RERE: variants seen among roughly 807,000 people sequenced by gnomAD.
RERE encodes arginine-glutamic acid dipeptide repeats protein.
Under a neutral mutation model 146.1 loss-of-function variants are expected in RERE, and 40 were observed. The observed-to-expected ratio is 0.27, with a 90% CI of 0.21 to 0.36. RERE has a LOEUF of 0.36. RERE is among the 10% of genes least tolerant of loss of function. The pLI, the probability that RERE is intolerant of heterozygous loss-of-function variation, is 1.00. For synonymous variants in RERE, 1,003 were observed against 866.0 expected, an observed-to-expected ratio of 1.16 and a Z score of -2.78; for missense variants, 1,933 against 2,138.7, an observed-to-expected ratio of 0.90 and a Z score of 1.90.
intron 7 of RERE, among the ~76,000 whole-genome samples, chr1:8,536,470 T>C (rs1035000534): frequency 1.2e-4 from 18 of 152,274 alleles, no homozygotes; most frequent in Admixed American, 7.8e-4. Context: ...GTCCCTATGG[T>C]CATCTCTTTT....
intron 7 of RERE, among the ~76,000 whole-genome samples, chr1:8,537,819 C>A (rs1339781015): frequency 6.6e-6 from 1 of 151,928 alleles, no homozygotes; most frequent in African/African-American, 2.4e-5. Flanking sequence ...AAAATCAGAT[C>A]CCTGACAAGA....
intron 12 of RERE, among the ~76,000 whole-genome samples, chr1:8,405,268 A>C (rs1490321285): frequency 6.6e-6 from 1 of 152,220 alleles, no homozygotes; most frequent in African/African-American, 2.4e-5. Context: ...TCTAGGAATG[A>C]ATCTTAAGGA....
At chr1:8,369,602 G>A (rs1641954037) in intron 12 of RERE, among the ~76,000 whole-genome samples, 1 of 147,696 alleles carries the variant, frequency 6.8e-6, no homozygotes, top group African/African-American at 2.5e-5. Flanking sequence ...CAGGTGGTAA[G>A]AACGGTAAAC....
At chr1:8,606,389 A>AT (rs1409582398) in intron 4 of RERE, among the ~76,000 whole-genome samples, 1 of 152,202 alleles carries the variant, frequency 6.6e-6, no homozygotes, top group Non-Finnish European at 1.5e-5. Flanking sequence ...GAGGAAAGCT[A>AT]TAACTAAAAT....
intron 7 of RERE, among the ~76,000 whole-genome samples, chr1:8,520,785 A>C (rs1463226045): frequency 6.8e-6 from 1 of 147,294 alleles, no homozygotes; most frequent in South Asian, 2.2e-4. Flanking sequence ...AACCACTATG[A>C]CCGAAACCCA....
At chr1:8,363,791 G>A (rs1176413425) in intron 15 of RERE, 3 of 517,358 alleles carry the variant, frequency 5.8e-6, no homozygotes, top group African/African-American at 5.7e-5. Context: ...GAGCAAGAGG[G>A]GCCTTGGAGA....
At chr1:8,391,942 G>A (rs1362593966) in intron 12 of RERE, among the ~76,000 whole-genome samples, 55 of 152,166 alleles carry the variant, frequency 3.6e-4, no homozygotes, top group Non-Finnish European at 2.8e-4. Context: ...CATGAGAATC[G>A]TTTGAACTTG....
At chr1:8,439,240 AAATC>A (rs1644213862) in intron 11 of RERE, among the ~76,000 whole-genome samples, 1 of 152,264 alleles carries the variant, frequency 6.6e-6, no homozygotes, top group Non-Finnish European at 1.5e-5. Flanking sequence ...TGTAAAATCA[AAATC>A]AAAAGGCCAC....
At chr1:8,692,960 C>A (rs1262261883) in intron 1 of RERE, among the ~76,000 whole-genome samples, 1 of 152,224 alleles carries the variant, frequency 6.6e-6, no homozygotes, top group Admixed American at 6.5e-5. Flanking sequence ...TTATGGTCCT[C>A]GTTTCTCCTG....
intron 8 of RERE, among the ~76,000 whole-genome samples, chr1:8,505,255 G>A (rs1018466246): frequency 6.6e-6 from 1 of 152,174 alleles, no homozygotes; most frequent in Non-Finnish European, 1.5e-5. Context: ...GACAATTAGG[G>A]AAATCTGGGC....
intron 12 of RERE, among the ~76,000 whole-genome samples, chr1:8,408,601 A>T (rs994794470): frequency 6.6e-6 from 1 of 152,130 alleles, no homozygotes; most frequent in Non-Finnish European, 1.5e-5. Context: ...CCACAGAGAA[A>T]GGAGGGCAGA....
intron 7 of RERE, among the ~76,000 whole-genome samples, chr1:8,539,608 G>C (rs1173619395): frequency 6.6e-6 from 1 of 152,078 alleles, no homozygotes; most frequent in East Asian, 1.9e-4. Context: ...GTTTCACCAC[G>C]TTGGCCAGGC....
intron 11 of RERE, among the ~76,000 whole-genome samples, chr1:8,441,342 AG>A (rs1644245265): frequency 6.6e-6 from 1 of 152,184 alleles, no homozygotes; most frequent in Non-Finnish European, 1.5e-5. Flanking sequence ...CGCTCCTGTG[AG>A]GGGATGCAGC....
chr1:8,677,418 T>C (rs1284606056), intron 1 of RERE, among the ~76,000 whole-genome samples: 5 of 99,276 alleles, frequency 5.0e-5, no homozygotes, highest in Admixed American at 1.4e-4. Flanking sequence ...AGAGTGAGTC[T>C]CCGTCTCAAA....
chr1:8,487,285 T>A (rs771919428), intron 10 of RERE, among the ~76,000 whole-genome samples: 3 of 151,972 alleles, frequency 2.0e-5, no homozygotes, highest in Admixed American at 6.6e-5. Context: ...CTAACTTGAT[T>A]AAAAAAACAA....
At chr1:8,496,499 C>CA (rs1645047752) in intron 9 of RERE, among the ~76,000 whole-genome samples, 1 of 144,374 alleles carries the variant, frequency 6.9e-6, no homozygotes, top group Non-Finnish European at 1.6e-5. Context: ...CAAGTAACAA[C>CA]CAAAAAAAAA....
chr1:8,446,767 G>A (rs994229328), intron 11 of RERE, among the ~76,000 whole-genome samples: 2 of 151,940 alleles, frequency 1.3e-5, no homozygotes, highest in Non-Finnish European at 2.9e-5. Context: ...CTCCGCCTCC[G>A]GGTTCACGCC....
At chr1:8,649,577 A>G (rs1383145812) in intron 2 of RERE, among the ~76,000 whole-genome samples, 5 of 151,976 alleles carry the variant, frequency 3.3e-5, no homozygotes, top group African/African-American at 1.2e-4. Flanking sequence ...TAAAAACACA[A>G]AAATTAGCCG....
At chr1:8,653,891 C>T (rs530107947) in intron 2 of RERE, among the ~76,000 whole-genome samples, 11 of 152,160 alleles carry the variant, frequency 7.2e-5, no homozygotes, top group African/African-American at 1.9e-4. Flanking sequence ...ATCATTTAAT[C>T]GTTACAGCAG....
Sources: allele counts gnomAD v4.1 joint callset (sites outside exome capture counted in the v4.1 genomes callset), GRCh38; gene constraint gnomAD v4.1.1; transcripts MANE v1.5; gene names NCBI Gene and HGNC (gene_info 2026-07-23, HGNC 2026-07-21).